The following NCOR2 variants were observed in gnomAD, a reference collection of about 807,000 sequenced individuals.
NCOR2 encodes the protein nuclear receptor corepressor 2.
NCOR2 carries 81 observed loss-of-function variants against 262.9 expected under a neutral mutation model. That is an observed-to-expected ratio of 0.31 (90% confidence interval 0.26 to 0.37). The LOEUF (loss-of-function observed/expected upper bound fraction) is 0.37, where lower values mean the gene tolerates loss of function less well. Among genes scored for constraint, NCOR2 ranks in the 10% least tolerant of loss-of-function variants. The pLI is 1.00. For missense variants in NCOR2, 3,385 were observed against 3,621.4 expected, an observed-to-expected ratio of 0.93 and a Z score of 1.68; for synonymous variants, 1,659 against 1,559.3, an observed-to-expected ratio of 1.06 and a Z score of -1.51.
exon 24 of NCOR2, chr12:124,355,484 G>A (rs1307578131): frequency 1.2e-6 from 2 of 1,612,130 alleles, no homozygotes; most frequent in Non-Finnish European, 1.7e-6. Flanking sequence ...CTTGGCAGAG[G>A]AGATGAGGGG....
chr12:124,384,291 C>T (rs372777262), intron 17 of NCOR2, among the ~76,000 whole-genome samples: 4 of 152,358 alleles, frequency 2.6e-5, no homozygotes, highest in African/African-American at 4.8e-5. Context: ...GTGTTAGGGA[C>T]GGGGTTCTGC....
chr12:124,471,432 C>T (rs2046829072), intron 4 of NCOR2, among the ~76,000 whole-genome samples: 1 of 152,228 alleles, frequency 6.6e-6, no homozygotes, highest in Non-Finnish European at 1.5e-5. Context: ...TTTTAATGAG[C>T]ACCTACTATG....
rs3782277 is a variant in NCOR2, at chr12:124,454,063, C to T, written c.762+3043G>A. On this transcript the variant is annotated intron_variant, in intron 6 of 46. Transcript: ENST00000405201. The surrounding 1 kb of genome is among the most constrained non-coding windows in gnomAD (Gnocchi z 5.6). The stretch of plus-strand genomic sequence containing the variant: ...CACCCAGTTGGTAGACAGGACCCTG[C>T]AGAGGGTGCACCATGCAGCTGCCTC... Among the ~76,000 whole-genome samples, 80,114 of 152,052 alleles carry T rather than the reference C, an allele frequency of 0.53. 22,907 individuals are homozygous for T. The highest frequency in any genetic ancestry group is 0.63 in the Non-Finnish European group (42,645 of 67,942).
At chr12:124,544,493 T>C (rs2051480742) in intron 1 of NCOR2, among the ~76,000 whole-genome samples, 2 of 152,148 alleles carry the variant, frequency 1.3e-5, no homozygotes, top group Admixed American at 1.3e-4. Flanking sequence ...GGTCAAGAGA[T>C]GGTGAAAGAG....
At chr12:124,512,698 G>A (rs541889849) in intron 1 of NCOR2, among the ~76,000 whole-genome samples, 23 of 152,300 alleles carry the variant, frequency 1.5e-4, no homozygotes, top group African/African-American at 5.3e-4. Flanking sequence ...ATGAAGCAGA[G>A]GGGGAAACGG....
intron 1 of NCOR2, among the ~76,000 whole-genome samples, chr12:124,516,384 G>A (rs1279171426): frequency 6.6e-6 from 1 of 152,164 alleles, no homozygotes. Context: ...GGCAGGCATG[G>A]GGGGAGACCT....
chr12:124,365,062 C>T (rs575561055), intron 20 of NCOR2, among the ~76,000 whole-genome samples: 270 of 152,044 alleles, frequency 1.8e-3, no homozygotes, highest in South Asian at 5.2e-3. Context: ...TGGAGATGGC[C>T]CGGCCTACGT....
rs1370851037 is a variant in NCOR2 at position 124,503,626 on chromosome 12, G to GGATA, written c.-117-8259_-117-8258insTATC. Among the ~76,000 whole-genome samples the GGATA allele has an allele frequency of 6.7e-6, 1 of 149,138 alleles. No individual in the cohort carries two copies. The highest frequency in any genetic ancestry group is 2.4e-4 in the East Asian group (1 of 4,186). On this transcript the variant is annotated intron_variant, in intron 1 of 46. Coordinates refer to the NCOR2 transcript ENST00000404621. This position sits in a 1 kb window ranked among gnomAD's most constrained non-coding sequence, Gnocchi z 4.3. ...TGGACGGACGGACGGATGGATGGAT[G>GGATA]GATGGATGGGCGAATGGATGGATGG...
chr12:124,418,221 C>A (rs1426201033), intron 13 of NCOR2, among the ~76,000 whole-genome samples: 1 of 152,154 alleles, frequency 6.6e-6, no homozygotes, highest in Non-Finnish European at 1.5e-5. Context: ...AAAACCCTCT[C>A]CACAAACGCA....
At chr12:124,435,267 C>A (rs1242351500) in intron 8 of NCOR2, among the ~76,000 whole-genome samples, 1 of 152,232 alleles carries the variant, frequency 6.6e-6, no homozygotes, top group African/African-American at 2.4e-5. Context: ...TGTTTCCTGG[C>A]CTGTGACTCC....
intron 1 of NCOR2, among the ~76,000 whole-genome samples, chr12:124,521,315 C>A (rs1293267962): frequency 6.6e-6 from 1 of 152,168 alleles, no homozygotes; most frequent in Non-Finnish European, 1.5e-5. Context: ...GCTATCTGCA[C>A]CTCCTCAATC....
chr12:124,330,577 G>T (rs1299931157), intron 44 of NCOR2, among the ~76,000 whole-genome samples: 2 of 152,252 alleles, frequency 1.3e-5, no homozygotes, highest in Non-Finnish European at 2.9e-5. Context: ...TTTCCAGCTG[G>T]TGAGGGTGCA....
At chr12:124,340,239 C>T (rs756364263) in intron 36 of NCOR2, 35 bp from the exon 39 acceptor site, 2 of 1,605,828 alleles carry the variant, frequency 1.2e-6, no homozygotes, top group East Asian at 2.2e-5. Context: ...AGGGGGAGGC[C>T]TCTTGCGGCC....
rs200172145 is a variant in NCOR2, at chr12:124,378,341, G to A, written c.2063C>T (p.Ala688Val). 5.7e-4 allele frequency: 921 copies of A among 1,613,750 alleles called. 1 individual carries two copies. Among genetic ancestry groups the A allele is most frequent in the Non-Finnish European group, 6.6e-4 (782 of 1,179,880 alleles). ...GAATGCAGCCTCCTCGCTGGCCGCC[G>A]CCGGCGCTTTCTTCTTCTTCCTCCG... The change falls in exon 18 of 47, where the codon GCG (alanine) becomes GTG (valine). Residue 688 changes from alanine to valine, a missense_variant. Physicochemically the swap from Ala to Val is moderately conservative, Grantham distance 64. Coordinates refer to ENST00000405201, the Ensembl canonical transcript of NCOR2. The surrounding 1 kb of genome is among the most constrained non-coding windows in gnomAD (Gnocchi z 4.2).
At chr12:124,544,110 C>A (rs991870119) in intron 1 of NCOR2, among the ~76,000 whole-genome samples, 16 of 152,046 alleles carry the variant, frequency 1.1e-4, no homozygotes, top group African/African-American at 3.4e-4. Context: ...GGAGCCCCAG[C>A]GGGGAGGGAG....
rs754519540 is a variant in NCOR2 at position 124,372,172 on chromosome 12, G to A, written c.2657C>T (p.Thr886Met). 3.7e-5 allele frequency: 60 copies of A among 1,601,220 alleles called. No homozygotes were observed. Among genetic ancestry groups the A allele is most frequent in the South Asian group, 3.0e-4 (27 of 91,004 alleles). The change falls in exon 20 of 47, where the codon ACG (threonine) becomes ATG (methionine). Residue 886 changes from threonine to methionine, a missense_variant. By Grantham distance (81) the Thr-to-Met change is moderately conservative. Transcript: ENST00000405201. The stretch of plus-strand genomic sequence containing the variant: ...CTCTGCCTTGAGCGCCCCCTCGGCC[G>A]TGGCCTCAGCGGCCTCCGCGTCCTT...
At chr12:124,533,469 G>GCCCA (rs1325212681) in intron 1 of NCOR2, among the ~76,000 whole-genome samples, 1 of 151,606 alleles carries the variant, frequency 6.6e-6, no homozygotes, top group African/African-American at 2.4e-5. Context: ...GCAACCCCCA[G>GCCCA]CCCACCCACA....
intron 14 of NCOR2, among the ~76,000 whole-genome samples, chr12:124,400,956 G>A (rs1038388006): frequency 6.6e-6 from 1 of 152,174 alleles, no homozygotes; most frequent in Non-Finnish European, 1.5e-5. Context: ...TGTAATCTCA[G>A]CACTTTGGGA....
chr12:124,402,356 G>A (rs758561505), intron 14 of NCOR2, 48 bp downstream of exon 16: 22 of 1,608,332 alleles, frequency 1.4e-5, no homozygotes, highest in South Asian at 3.3e-5. Context: ...TGTGCCACCC[G>A]GGTTGGGTCA....
Sources: allele counts gnomAD v4.1 joint callset (sites outside exome capture counted in the v4.1 genomes callset), GRCh38; gene constraint gnomAD v4.1.1; non-coding constraint Gnocchi (gnomAD v3.1); transcripts MANE v1.5; gene names NCBI Gene and HGNC (gene_info 2026-07-23, HGNC 2026-07-21).